The following ZNF117 variants were observed in gnomAD, a reference collection of about 807,000 sequenced individuals.
ZNF117 encodes the protein Krueppel-related zinc finger protein.
A neutral mutation model predicts 41.2 loss-of-function variants in ZNF117; 37 were observed. The ratio of observed to expected loss-of-function variants is 0.90; its 90% CI spans 0.69 to 1.18. The LOEUF (loss-of-function observed/expected upper bound fraction) is 1.18, where lower values mean the gene tolerates loss of function less well. ZNF117 is among the 50% of genes most tolerant of loss of function. The probability of loss-of-function intolerance (pLI) is 0.00; values close to 1 mark genes in which losing one functional copy is unlikely to be tolerated. For synonymous variants in ZNF117, 186 were observed against 186.6 expected, an observed-to-expected ratio of 1.00 and a Z score of 0.02; for missense variants, 546 against 557.5, an observed-to-expected ratio of 0.98 and a Z score of 0.21.
At chr7:64,977,726 A>G in exon 3 of ZNF117, 1 of 891,226 alleles carries the variant, frequency 1.1e-6, no homozygotes, top group Non-Finnish European at 1.7e-6. Flanking sequence ...CACATTCTTC[A>G]CATTTATATG....
At chr7:64,982,338 A>G (rs1208270961), upstream of ZNF117, among the ~76,000 whole-genome samples, 1 of 152,226 alleles carries the variant, frequency 6.6e-6, no homozygotes, top group East Asian at 1.9e-4. Context: ...GATCCACAAC[A>G]TCTGTGTATA....
At chr7:64,977,349 G>T (rs892412917) in exon 3 of ZNF117, 5 of 412,694 alleles carry the variant, frequency 1.2e-5, no homozygotes. Context: ...CTTATATGTA[G>T]AAAGGGTTGA....
upstream of ZNF117, among the ~76,000 whole-genome samples, chr7:64,985,869 T>C (rs954638486): frequency 8.4e-5 from 12 of 143,646 alleles, no homozygotes; most frequent in African/African-American, 3.2e-4. Context: ...CTGAGTACAC[T>C]TGAACCCAGG....
chr7:64,973,371 T>C (rs1266310641), downstream of ZNF117: 1 of 152,020 alleles, frequency 6.6e-6, no homozygotes, highest in Non-Finnish European at 1.5e-5. Flanking sequence ...AGATGTATTT[T>C]CTAGCAAATT....
At chr7:64,975,934 G>T (rs1785876666) in exon 3 of ZNF117, 1 of 152,086 alleles carries the variant, frequency 6.6e-6, no homozygotes, top group South Asian at 2.1e-4. Context: ...TGTTTTCTAA[G>T]CAGTAGTTTT....
exon 1 of ZNF117, chr7:64,989,997 G>A (rs1000315821): frequency 6.6e-6 from 1 of 152,134 alleles, no homozygotes; most frequent in Non-Finnish European, 1.5e-5. Flanking sequence ...ATCTGAACCT[G>A]GGAGGTGGAG....
Position 64,979,283 on chromosome 7 carries a change from T to TGAATTTGAAA in ZNF117, c.278_287dup (p.Asn97PhefsTer5). ...CAGTATGTCTCATCTTGTGTCTATTTGAATTTGAAATTTTATGGAAAACTT... is the reference window on the plus strand; with the variant it reads ...CAGTATGTCTCATCTTGTGTCTATTTGAATTTGAAAGAATTTGAAATTTTATGGAAAACTT... On this transcript the variant is annotated frameshift_variant, in exon 3 of 3. Coordinates refer to ENST00000620222, the Ensembl canonical transcript of ZNF117. LOFTEE classifies it high-confidence loss of function. 6.3e-7 allele frequency: 1 copy of TGAATTTGAAA among 1,590,716 alleles called. No individual in the cohort carries two copies. Among genetic ancestry groups the TGAATTTGAAA allele is most frequent in the Non-Finnish European group, 8.5e-7 (1 of 1,171,738 alleles).
At chr7:64,981,255 T>G in intron 2 of ZNF117, 132 bp downstream of exon 3, 1 of 1,132,146 alleles carries the variant, frequency 8.8e-7, no homozygotes, top group Non-Finnish European at 1.3e-6. Context: ...GAGAGAAAAA[T>G]AAAAAAAAAC....
At chr7:64,987,804 T>A (rs1278188028) in intron 1 of ZNF117, among the ~76,000 whole-genome samples, 1 of 141,752 alleles carries the variant, frequency 7.1e-6, no homozygotes, top group African/African-American at 2.7e-5. Flanking sequence ...GGCAATATAG[T>A]GAGACCCCGT....
exon 3 of ZNF117, chr7:64,979,131 T>C (rs866763776): frequency 1.2e-6 from 2 of 1,610,272 alleles, no homozygotes; most frequent in African/African-American, 2.7e-5. Context: ...TGAGGACCAG[T>C]TAAAGGCTCT....
chr7:64,986,369 A>C (rs377582698), upstream of ZNF117, among the ~76,000 whole-genome samples: 2 of 152,186 alleles, frequency 1.3e-5, no homozygotes, highest in African/African-American at 4.8e-5. Context: ...GTAGGGAAAA[A>C]CAGTCATTCA....
upstream of ZNF117, chr7:64,982,259 A>G: frequency 2.8e-6 from 1 of 361,970 alleles, no homozygotes; most frequent in South Asian, 5.2e-5. Flanking sequence ...CTATCCATAA[A>G]AGAATTTTTA....
chr7:64,978,085 T>C (rs770149708), exon 3 of ZNF117: 2 of 1,592,938 alleles, frequency 1.3e-6, no homozygotes, highest in Non-Finnish European at 1.7e-6. Flanking sequence ...TTCTCTCCAG[T>C]ATGAATTTTC....
intron 1 of ZNF117, 21 bp downstream of exon 2, chr7:64,981,963 G>T: frequency 1.8e-6 from 1 of 561,180 alleles, no homozygotes. Flanking sequence ...GGGTATATTA[G>T]AAAATGTGTA....
At chr7:64,984,937 C>T (rs62456470), upstream of ZNF117, among the ~76,000 whole-genome samples, 5,624 of 152,034 alleles carry the variant, frequency 0.037, 165 homozygotes, top group East Asian at 0.15. Flanking sequence ...ATTACAGGCA[C>T]GCGCCACCAC....
chr7:64,978,334 C>T, exon 3 of ZNF117: 1 of 1,613,412 alleles, frequency 6.2e-7, no homozygotes, highest in Non-Finnish European at 8.5e-7. Flanking sequence ...AGTTTCTCTC[C>T]AGTATGAATT....
At chr7:64,987,930 C>G (rs1786170932) in intron 1 of ZNF117, among the ~76,000 whole-genome samples, 1 of 151,670 alleles carries the variant, frequency 6.6e-6, no homozygotes, top group Non-Finnish European at 1.5e-5. Context: ...CTGAGTAGAC[C>G]AATAACAAAC....
upstream of ZNF117, among the ~76,000 whole-genome samples, chr7:64,983,050 T>C (rs1364370300): frequency 2.0e-5 from 3 of 152,252 alleles, no homozygotes; most frequent in African/African-American, 7.2e-5. Context: ...TAATTTTTAA[T>C]AGTGATTTTA....
At chr7:64,981,581 TA>T (rs549830197) in intron 1 of ZNF117, 99 bp from the exon 3 acceptor site, 471 of 1,023,176 alleles carry the variant, frequency 4.6e-4, no homozygotes, top group Non-Finnish European at 6.2e-4. Flanking sequence ...AATATTCTAG[TA>T]AATTAATCCC....
Sources: gnomAD v4.1 joint callset for allele counts (sites outside exome capture counted in the v4.1 genomes callset) on GRCh38, gnomAD v4.1.1 for gene constraint, MANE v1.5 for transcripts, NCBI Gene and HGNC (gene_info 2026-07-23, HGNC 2026-07-21) for gene names.